EML2: variants seen among roughly 807,000 people sequenced by gnomAD.
EML2 encodes EMAP like 2.
EML2 carries 59 observed loss-of-function variants against 84.7 expected under a neutral mutation model. The observed-to-expected ratio is 0.70, with a 90% CI of 0.56 to 0.86. The LOEUF is 0.86. Ranked by LOEUF, EML2 falls within the 40% of genes least tolerant of loss-of-function variation. The pLI, the probability that EML2 is intolerant of heterozygous loss-of-function variation, is 0.00. For synonymous variants in EML2, 352 were observed against 348.9 expected (o/e 1.01, Z -0.10); for missense variants, 818 against 855.6 (o/e 0.96, Z 0.55).
At chr19:45,624,530 G>A (rs1035631533) in intron 9 of EML2, among the ~76,000 whole-genome samples, 189 bp downstream of exon 9, 2 of 152,050 alleles carry the variant, frequency 1.3e-5, no homozygotes, top group South Asian at 2.1e-4. Flanking sequence ...ATTTCCAGAG[G>A]GCAAGGCAGG....
intron 8 of EML2, 75 bp from the exon 9 acceptor site, chr19:45,624,893 A>C (rs1972125406): frequency 9.2e-7 from 1 of 1,085,682 alleles, no homozygotes. Flanking sequence ...TCTGTCACCC[A>C]GGACCGTGGC....
At chr19:45,644,108 G>A (rs894450189), upstream of EML2, among the ~76,000 whole-genome samples, 1 of 152,188 alleles carries the variant, frequency 6.6e-6, no homozygotes, top group East Asian at 1.9e-4. Context: ...GCTTACATGT[G>A]CCAGGCACTG....
In EML2 at chr19:45,616,801, C is replaced by T. The variant is rs769605527; in HGVS notation, c.1375G>A (p.Gly459Ser). 2 of 1,613,404 alleles carry T rather than the reference C, an allele frequency of 1.2e-6. No individual in the cohort carries two copies. Among genetic ancestry groups the T allele is most frequent in the Non-Finnish European group, 8.5e-7 (1 of 1,179,936 alleles). ...CTGACCACTGAGATCTGTTCATTGCCGTCTGTGTGGATAGCCACCAGGTCA... is the reference window on the plus strand; with the variant it reads ...CTGACCACTGAGATCTGTTCATTGCTGTCTGTGTGGATAGCCACCAGGTCA... ...THDLVAIHTD[G>S]NEQISVVSFS... The change falls in exon 14 of 19, where the codon GGC (glycine) becomes AGC (serine). Residue 459 changes from glycine to serine, a missense_variant. Physicochemically the swap from Gly to Ser is moderately conservative, Grantham distance 56 (BLOSUM62 0). Coordinates refer to ENST00000245925, the MANE Select transcript of EML2 (RefSeq NM_012155.4).
chr19:45,614,465 C>G, intron 17 of EML2, 140 bp downstream of exon 17: 1 of 737,528 alleles, frequency 1.4e-6, no homozygotes, highest in South Asian at 1.6e-5. Context: ...ACCCTTTCCT[C>G]TTACACAAAT....
upstream of EML2, chr19:45,644,774 G>A (rs1301583307): frequency 2.2e-6 from 1 of 456,244 alleles, no homozygotes; most frequent in South Asian, 1.5e-5. Context: ...AAGGGATGGT[G>A]CTAATGCATG....
intron 6 of EML2, 70 bp from the exon 7 acceptor site, chr19:45,630,116 C>A: frequency 8.9e-7 from 1 of 1,127,734 alleles, no homozygotes; most frequent in Non-Finnish European, 1.3e-6. Flanking sequence ...CCATGCCCAC[C>A]AAGGCATTCA....
Position 45,609,575 on chromosome 19 carries a change from T to C in EML2, c.*88A>G. 1 of 879,110 alleles carries C rather than the reference T, an allele frequency of 1.1e-6. No individual in the cohort carries two copies. The highest frequency in any genetic ancestry group is 1.6e-6 in the Non-Finnish European group (1 of 627,008). 54.5% of individuals were successfully genotyped at this position (879,110 alleles called of 1,614,324 possible). On this transcript the variant is annotated 3_prime_UTR_variant, in exon 19 of 19. Transcript: ENST00000245925. Reference sequence around the variant, plus strand: ...CCCATAACCCCCTCTGCTATAGACATACTCTGGGTATATATTACTCTACTC... The same window carrying C: ...CCCATAACCCCCTCTGCTATAGACACACTCTGGGTATATATTACTCTACTC...
Position 45,621,475 on chromosome 19 carries a change from C to T in EML2, c.996+8G>A, listed in dbSNP as rs772411613. On this transcript the variant is annotated splice_region_variant and intron_variant, in intron 10 of 18. Coordinates refer to ENST00000245925, the MANE Select transcript of EML2 (RefSeq NM_012155.4). ...CTACCCCCATCTGAGCCCACTGCCC[C>T]TCCTCACCTCCACTTCCTGCAGCTT... The T allele has an allele frequency of 3.1e-6, 5 of 1,608,178 alleles. No homozygotes were observed. The highest frequency in any genetic ancestry group is 3.4e-6 in the Non-Finnish European group (4 of 1,178,470).
chr19:45,641,626 C>A (rs747359680), upstream of EML2: 14 of 1,534,658 alleles, frequency 9.1e-6, no homozygotes, highest in South Asian at 1.5e-4. Context: ...GGCTTGACGC[C>A]GCCCCAGTCC....
upstream of EML2, among the ~76,000 whole-genome samples, chr19:45,643,021 G>C (rs1393680191): frequency 3.3e-5 from 5 of 150,766 alleles, no homozygotes; most frequent in Non-Finnish European, 7.4e-5. Context: ...AGAAAAAAAA[G>C]ATTCTTTGAT....
chr19:45,633,739 A>T (rs1225967506), intron 4 of EML2, among the ~76,000 whole-genome samples: 2 of 151,924 alleles, frequency 1.3e-5, no homozygotes, highest in African/African-American at 4.8e-5. Flanking sequence ...CTAGTTCTCA[A>T]AAAAAGAAAA....
intron 17 of EML2, among the ~76,000 whole-genome samples, chr19:45,614,159 A>C (rs1970776628): frequency 6.6e-6 from 1 of 152,134 alleles, no homozygotes; most frequent in Admixed American, 6.6e-5. Flanking sequence ...CTCCAAGAGT[A>C]GGCCAGATGC....
upstream of EML2, chr19:45,643,579 C>T: frequency 2.6e-6 from 4 of 1,536,106 alleles, no homozygotes; most frequent in South Asian, 4.8e-5. Flanking sequence ...ATACTCATAC[C>T]CAGACTCATT....
At chr19:45,641,452 G>A (rs868652605), upstream of EML2, 60 of 600,124 alleles carry the variant, frequency 1.0e-4, no homozygotes, top group Middle Eastern at 8.2e-3. Context: ...TATTGACTCC[G>A]CCCTCCCAGA....
At chr19:45,637,763 G>A (rs1973940253) in intron 3 of EML2, among the ~76,000 whole-genome samples, 1 of 141,042 alleles carries the variant, frequency 7.1e-6, no homozygotes, top group Non-Finnish European at 1.5e-5. Flanking sequence ...TGCAGCCTCT[G>A]CCTCCTGGGT....
intron 11 of EML2, 59 bp downstream of exon 11, chr19:45,621,148 C>T (rs1971640833): frequency 1.9e-6 from 3 of 1,586,222 alleles, no homozygotes; most frequent in South Asian, 2.2e-5. Flanking sequence ...GTGGATGATG[C>T]AGGGAAGGCC....
intron 18 of EML2, among the ~76,000 whole-genome samples, chr19:45,612,470 G>A (rs1244891785): frequency 2.6e-5 from 4 of 152,184 alleles, no homozygotes; most frequent in Non-Finnish European, 4.4e-5. Context: ...TCAAGCCCAG[G>A]AGATCAAGAC....
chr19:45,643,762 C>G (rs1380102327), upstream of EML2: 21 of 1,500,238 alleles, frequency 1.4e-5, no homozygotes, highest in Non-Finnish European at 5.3e-6. Flanking sequence ...CCTTCGTAGC[C>G]CAATCGCCTG....
upstream of EML2, chr19:45,642,247 G>A (rs1016734116): frequency 1.1e-5 from 17 of 1,535,858 alleles, no homozygotes; most frequent in East Asian, 2.9e-4. Flanking sequence ...ATCCGCCAGC[G>A]CCGCCTTTAG....
Sources: allele counts gnomAD v4.1 joint callset (sites outside exome capture counted in the v4.1 genomes callset), GRCh38; gene constraint gnomAD v4.1.1; transcripts MANE v1.5; gene names NCBI Gene and HGNC (gene_info 2026-07-23, HGNC 2026-07-21).